Variants in MARCHF1 observed in about 807,000 individuals in gnomAD.
The protein encoded by MARCHF1 is membrane associated ring-CH-type finger 1.
MARCHF1 carries 40 observed loss-of-function variants against 54.2 expected under a neutral mutation model. That is an observed-to-expected ratio of 0.74 (90% CI 0.57 to 0.96). The LOEUF (loss-of-function observed/expected upper bound fraction) is 0.96. MARCHF1 is among the 40% of genes least tolerant of loss of function. The probability of loss-of-function intolerance (pLI) is 0.00; values close to 1 mark genes in which losing one functional copy is unlikely to be tolerated. For synonymous variants in MARCHF1, 236 were observed against 236.3 expected (o/e 1.00, Z 0.01); for missense variants, 586 against 656.5 (o/e 0.89, Z 1.17).
At chr4:163,731,637 G>A (rs550563830) in intron 4 of MARCHF1, among the ~76,000 whole-genome samples, 1 of 152,300 alleles carries the variant, frequency 6.6e-6, no homozygotes, top group East Asian at 1.9e-4. Context: ...GAGCTCCAGA[G>A]ATCTGCAGGA....
chr4:164,249,952 A>T (rs7682877), intron 1 of MARCHF1, among the ~76,000 whole-genome samples: 17,498 of 151,982 alleles, frequency 0.12, 1,567 homozygotes, highest in African/African-American at 0.25. Context: ...TTACTGAGCA[A>T]CTCCATATAC....
At chr4:164,032,730 C>T (rs1003057829) in intron 2 of MARCHF1, among the ~76,000 whole-genome samples, 4 of 152,138 alleles carry the variant, frequency 2.6e-5, no homozygotes, top group African/African-American at 4.8e-5. Flanking sequence ...TTTGTATTTG[C>T]TGAGGAGTGT....
chr4:163,595,847 A>G (rs1740751018), intron 7 of MARCHF1, among the ~76,000 whole-genome samples: 1 of 152,128 alleles, frequency 6.6e-6, no homozygotes, highest in African/African-American at 2.4e-5. Context: ...CACTGTGCCT[A>G]TAGTTAACAG....
At chr4:163,633,001 C>A (rs1372547381) in intron 5 of MARCHF1, among the ~76,000 whole-genome samples, 1 of 152,178 alleles carries the variant, frequency 6.6e-6, no homozygotes, top group African/African-American at 2.4e-5. Flanking sequence ...ACACCTCACA[C>A]TGCAGGGTAC....
At chr4:164,145,494 C>G (rs1268694943) in intron 1 of MARCHF1, among the ~76,000 whole-genome samples, 1 of 151,862 alleles carries the variant, frequency 6.6e-6, no homozygotes, top group African/African-American at 2.4e-5. Flanking sequence ...GGGCTTCATC[C>G]CTGGGATGCA....
At chr4:163,644,755 A>G (rs1742689357) in intron 5 of MARCHF1, among the ~76,000 whole-genome samples, 1 of 152,198 alleles carries the variant, frequency 6.6e-6, no homozygotes, top group East Asian at 1.9e-4. Context: ...AGTTCTGTCC[A>G]TGAACGGACC....
intron 4 of MARCHF1, among the ~76,000 whole-genome samples, chr4:163,715,095 A>G (rs1323770786): frequency 2.6e-5 from 4 of 152,220 alleles, no homozygotes; most frequent in Non-Finnish European, 4.4e-5. Flanking sequence ...ACGCCATTAA[A>G]TGGATTTTGG....
At chr4:164,165,362 G>GTCTCTCTCTCTCTCTCTCTCTCTCTC in intron 1 of MARCHF1, among the ~76,000 whole-genome samples, 1 of 148,752 alleles carries the variant, frequency 6.7e-6, no homozygotes, top group African/African-American at 2.5e-5. Context: ...TTTTCTCTCT[G>GTCTCTCTCTCTCTCTCTCTCTCTCTC]TCTCTCTCTC....
At chr4:163,805,398 G>T (rs777811382) in intron 4 of MARCHF1, among the ~76,000 whole-genome samples, 10 of 151,024 alleles carry the variant, frequency 6.6e-5, no homozygotes, top group Non-Finnish European at 1.2e-4. Flanking sequence ...CAAGTTTATA[G>T]TTGATACAAG....
At chr4:164,155,295 T>A (rs1360785842) in intron 1 of MARCHF1, among the ~76,000 whole-genome samples, 4 of 151,748 alleles carry the variant, frequency 2.6e-5, no homozygotes, top group African/African-American at 9.7e-5. Flanking sequence ...CAATTGGAAA[T>A]CTCTTACCTG....
chr4:164,316,192 C>T (rs1734991050), intron 1 of MARCHF1, among the ~76,000 whole-genome samples: 1 of 152,144 alleles, frequency 6.6e-6, no homozygotes, highest in African/African-American at 2.4e-5. Flanking sequence ...AGAATCAGAA[C>T]TGGAAGTCAG....
intron 2 of MARCHF1, among the ~76,000 whole-genome samples, chr4:164,088,798 G>GA (rs932885550): frequency 6.6e-6 from 1 of 151,924 alleles, no homozygotes; most frequent in Non-Finnish European, 1.5e-5. Flanking sequence ...AAATCCAAAA[G>GA]ACAACTTAAT....
At chr4:163,678,062 T>A (rs1743975729) in intron 5 of MARCHF1, among the ~76,000 whole-genome samples, 1 of 152,246 alleles carries the variant, frequency 6.6e-6, no homozygotes, top group South Asian at 2.1e-4. Flanking sequence ...TTCTGGACTC[T>A]TCCTTCTTAG....
intron 2 of MARCHF1, among the ~76,000 whole-genome samples, chr4:164,056,139 A>T (rs917880934): frequency 1.3e-5 from 2 of 152,142 alleles, no homozygotes; most frequent in African/African-American, 4.8e-5. Context: ...ACCGTTTTCT[A>T]GTGCAATGAT....
At chr4:163,882,567 A>G (rs1433465584) in intron 3 of MARCHF1, among the ~76,000 whole-genome samples, 1 of 152,230 alleles carries the variant, frequency 6.6e-6, no homozygotes, top group Non-Finnish European at 1.5e-5. Flanking sequence ...TTTATTCCTC[A>G]GAACCTCTCA....
intron 3 of MARCHF1, among the ~76,000 whole-genome samples, chr4:163,870,630 T>C (rs1750148765): frequency 6.6e-6 from 1 of 152,124 alleles, no homozygotes; most frequent in South Asian, 2.1e-4. Flanking sequence ...TTTTCTGTTG[T>C]AGCTTAGAGA....
intron 4 of MARCHF1, among the ~76,000 whole-genome samples, chr4:163,719,658 G>A (rs9685710): frequency 0.013 from 1,916 of 149,006 alleles, 44 homozygotes; most frequent in African/African-American, 0.046. Flanking sequence ...CAGTGTAAAA[G>A]TGTTCCTATT....
intron 5 of MARCHF1, among the ~76,000 whole-genome samples, chr4:163,683,471 A>G (rs959948282): frequency 2.6e-5 from 4 of 152,208 alleles, no homozygotes; most frequent in Admixed American, 2.6e-4. Flanking sequence ...AACCACGTCA[A>G]TGATCTAGAT....
intron 1 of MARCHF1, among the ~76,000 whole-genome samples, chr4:164,283,167 C>T (rs1457480304): frequency 2.0e-5 from 3 of 151,080 alleles, no homozygotes; most frequent in African/African-American, 4.9e-5. Flanking sequence ...TGTACACAAG[C>T]TTCTGAAGTT....
Sources: gnomAD v4.1 joint callset for allele counts (sites outside exome capture counted in the v4.1 genomes callset) on GRCh38, gnomAD v4.1.1 for gene constraint, MANE v1.5 for transcripts, NCBI Gene and HGNC (gene_info 2026-07-23, HGNC 2026-07-21) for gene names.